The following ABCA12 variants were observed in gnomAD, a reference collection of about 807,000 sequenced individuals.
ABCA12 encodes the protein glucosylceramide transporter ABCA12.
ABCA12 carries 156 observed loss-of-function variants against 293.5 expected under a neutral mutation model. The ratio of observed to expected loss-of-function variants is 0.53; its 90% CI spans 0.47 to 0.61. The LOEUF (loss-of-function observed/expected upper bound fraction) is 0.61. Ranked by LOEUF, ABCA12 falls within the 20% of genes least tolerant of loss-of-function variation. The pLI is 0.00. For synonymous variants in ABCA12, 1,063 were observed against 1,108.0 expected (o/e 0.96, Z 0.81); for missense variants, 2,797 against 3,090.2 (o/e 0.91, Z 2.25).
chr2:214,957,161 T>C (rs1274193674), intron 41 of ABCA12, among the ~76,000 whole-genome samples: 3 of 152,220 alleles, frequency 2.0e-5, no homozygotes, highest in Non-Finnish European at 4.4e-5. Flanking sequence ...GCTGGAACTT[T>C]CTCAGATGGT....
intron 4 of ABCA12, 78 bp from the exon 5 acceptor site, chr2:215,052,662 C>T (rs1256513631): frequency 8.9e-6 from 11 of 1,238,396 alleles, no homozygotes; most frequent in Non-Finnish European, 1.2e-5. Context: ...AATCCATAAA[C>T]ATCACTTGTG....
chr2:214,944,599 G>A (rs1379372408), intron 49 of ABCA12, among the ~76,000 whole-genome samples: 3 of 151,872 alleles, frequency 2.0e-5, no homozygotes, highest in African/African-American at 7.3e-5. Context: ...CCATAGAATG[G>A]AGAGCCTTGC....
At chr2:215,054,814 C>T in intron 3 of ABCA12, 150 bp from the exon 4 acceptor site, 2 of 640,434 alleles carry the variant, frequency 3.1e-6, no homozygotes, top group South Asian at 3.4e-5. Context: ...CACCTAACCA[C>T]ACACCAATGA....
At chr2:214,986,864 G>T in intron 27 of ABCA12, 136 bp from the exon 28 acceptor site, 1 of 842,266 alleles carries the variant, frequency 1.2e-6, no homozygotes, top group South Asian at 1.6e-5. Context: ...AGAAACAAAT[G>T]ATTTATTATA....
At chr2:214,975,690 C>T (rs17493319) in intron 34 of ABCA12, 95 bp downstream of exon 34, 1 of 1,538,222 alleles carries the variant, frequency 6.5e-7, no homozygotes, top group South Asian at 1.1e-5. Flanking sequence ...CTTCTAAGTA[C>T]TTTATTCTCC....
intron 2 of ABCA12, among the ~76,000 whole-genome samples, chr2:215,087,541 T>C (rs1702066960): frequency 6.6e-6 from 1 of 150,982 alleles, no homozygotes; most frequent in Non-Finnish European, 1.5e-5. Flanking sequence ...TGGGGGAAGT[T>C]CATAAAGATA....
chr2:214,947,800 C>T (rs528377830), intron 47 of ABCA12: 12 of 499,406 alleles, frequency 2.4e-5, no homozygotes, highest in South Asian at 8.4e-5. Flanking sequence ...CCCCACCAAA[C>T]GTGTGTGTGT....
chr2:215,128,185 T>G (rs997725417), intron 1 of ABCA12, among the ~76,000 whole-genome samples: 1 of 152,226 alleles, frequency 6.6e-6, no homozygotes, highest in East Asian at 1.9e-4. Flanking sequence ...CTGGTAAGTT[T>G]TCCTTTATAG....
At position 215,112,376 on chromosome 2, in the gene ABCA12, G is replaced by A. The variant is rs570831914; in HGVS notation, c.70-686C>T. On this transcript the variant is annotated intron_variant, in intron 1 of 52. Coordinates refer to ENST00000272895, the MANE Select transcript of ABCA12 (RefSeq NM_173076.3). The stretch of plus-strand genomic sequence containing the variant: ...TGCCCAGTTCCCAAATAAACTGGAC[G>A]TTCATTTATGGTAGGGGCAGTGTCT... 8.2e-5 allele frequency among the ~76,000 whole-genome samples: 12 copies of A among 146,352 alleles called. No homozygotes were observed. In the East Asian group the frequency reaches 1.2e-3, roughly 14 times the overall value.
chr2:215,095,695 A>T (rs2888331), intron 2 of ABCA12, among the ~76,000 whole-genome samples: 114,137 of 152,006 alleles, frequency 0.75, 45,630 homozygotes, highest in Non-Finnish European at 0.9. Flanking sequence ...AAGCCTGCAC[A>T]TATACATCCA....
intron 2 of ABCA12, among the ~76,000 whole-genome samples, chr2:215,067,731 G>A (rs1186512277): frequency 6.6e-6 from 1 of 152,146 alleles, no homozygotes; most frequent in African/African-American, 2.4e-5. Flanking sequence ...CATGGGTGGA[G>A]AGAGGTCATT....
At chr2:215,008,621 A>C (rs912063059) in intron 18 of ABCA12, among the ~76,000 whole-genome samples, 2 of 152,200 alleles carry the variant, frequency 1.3e-5, no homozygotes, top group Non-Finnish European at 2.9e-5. Context: ...AGTGACCTCA[A>C]AGAACTCTGC....
intron 2 of ABCA12, among the ~76,000 whole-genome samples, chr2:215,108,875 T>A (rs970876202): frequency 6.6e-6 from 1 of 152,088 alleles, no homozygotes; most frequent in African/African-American, 2.4e-5. Context: ...CAGACCAGCC[T>A]GGCCAAGATG....
rs953971576 is a variant in ABCA12 at position 215,010,180 on chromosome 2, G to A, written c.2472+151C>T. 3.0e-6 allele frequency: 3 copies of A among 1,012,910 alleles called. No individual in the cohort carries two copies. The African/African-American group carries it at 4.9e-5, about 16-fold the overall frequency. The allele number at this position is 1,012,910 out of a possible 1,614,324, so 62.7% of individuals were successfully genotyped here. A position where few individuals can be genotyped will look rare whatever the true frequency, so the allele number is the denominator to read the frequency against. ...CTTGCACATATCCAGGGCAGAAGTTGAGAATTTTACTAATAGTTTCAGAAA... is the reference window on the plus strand; with the variant it reads ...CTTGCACATATCCAGGGCAGAAGTTAAGAATTTTACTAATAGTTTCAGAAA... On this transcript the variant is annotated intron_variant, in intron 18 of 52. Coordinates refer to ENST00000272895, the MANE Select transcript of ABCA12 (RefSeq NM_173076.3).
chr2:214,983,717 G>T lies in ABCA12; in HGVS notation c.4312C>A (p.His1438Asn). 1 of 1,614,074 alleles carries T rather than the reference G, an allele frequency of 6.2e-7. No homozygotes were observed. The highest frequency in any genetic ancestry group is 2.2e-5 in the East Asian group (1 of 44,868). Residue 1438 changes from histidine (H) to asparagine (N), a missense_variant, in exon 29 of 53, where the codon CAC becomes AAC. His to Asn is a moderately conservative substitution (Grantham distance 68). Coordinates refer to ENST00000272895, the MANE Select transcript of ABCA12 (RefSeq NM_173076.3). Reference sequence around the variant, plus strand: ...TTGATGGAACCATATAGGAGAAGGTGCTCCTTAGTAGTGAGGTAACTGAAC... The same window carrying T: ...TTGATGGAACCATATAGGAGAAGGTTCTCCTTAGTAGTGAGGTAACTGAAC... ...VLFSYLTTKEHLLLYGSIKVP... is the reference protein window; with the variant it reads ...VLFSYLTTKENLLLYGSIKVP...
chr2:215,010,898 C>G (rs1464412306), intron 17 of ABCA12, among the ~76,000 whole-genome samples: 1 of 151,984 alleles, frequency 6.6e-6, no homozygotes, highest in Non-Finnish European at 1.5e-5. Context: ...TACTAAACAC[C>G]CATATATTAT....
intron 14 of ABCA12, 22 bp from the exon 15 acceptor site, chr2:215,015,685 T>C (rs776030203): frequency 2.2e-5 from 36 of 1,609,190 alleles, no homozygotes; most frequent in Non-Finnish European, 2.9e-5. Flanking sequence ...GGAAGAAAAA[T>C]ATTTCAACTG....
rs754273310 is a variant in ABCA12 at position 214,976,052 on chromosome 2, G to A, written c.5129-15C>T. On this transcript the variant is annotated splice_polypyrimidine_tract_variant and intron_variant, in intron 33 of 52. Coordinates refer to ENST00000272895, the MANE Select transcript of ABCA12 (RefSeq NM_173076.3). ...CAGGATTTTGTCTGATTAAGAAAAA[G>A]AGATTGGATATGGTTCTGGGAAATC... The A allele has an allele frequency of 2.6e-5, 42 of 1,613,702 alleles. No homozygotes were observed. The highest frequency in any genetic ancestry group is 8.3e-5 in the Admixed American group (5 of 59,978).
rs959604951 is a variant in ABCA12, at chr2:215,037,028, C to T, written c.910G>A (p.Ala304Thr). 2.5e-6 allele frequency: 4 copies of T among 1,613,730 alleles called. No homozygotes were observed. Among genetic ancestry groups the T allele is most frequent in the South Asian group, 1.1e-5 (1 of 91,076 alleles). The change falls in exon 8 of 53, where the codon GCA (alanine) becomes ACA (threonine). Residue 304 changes from alanine (A) to threonine (T), a missense_variant. Ala to Thr is a moderately conservative substitution (Grantham distance 58). Around this residue, in one of 3 missense-constraint regions of ABCA12, gnomAD observed 656 missense variants for 638.2 expected, o/e 1.03. Transcript: ENST00000272895. ...LVVQKVYPRF[A>T]TNEGFRTLQK... ...AGGGTTCTGAAACCTTCGTTAGTTG[C>T]AAAACGTGGATAAACCTTCTGCACA...
Sources: gnomAD v4.1 joint callset for allele counts (sites outside exome capture counted in the v4.1 genomes callset) on GRCh38, gnomAD v4.1.1 for gene constraint, gnomAD v4.1.1 regional missense constraint, MANE v1.5 for transcripts, NCBI Gene and HGNC (gene_info 2026-07-23, HGNC 2026-07-21) for gene names.